Variants in ANKRD12 observed in about 807,000 individuals in gnomAD.
The protein encoded by ANKRD12 is ankyrin repeat domain-containing protein 12.
In ANKRD12, 85 loss-of-function variants were observed where a neutral mutation model predicts 183.4. The observed-to-expected ratio is 0.46, with a 90% confidence interval of 0.39 to 0.56. The LOEUF is 0.56. ANKRD12 is among the 20% of genes least tolerant of loss of function. The pLI, the probability that ANKRD12 is intolerant of heterozygous loss-of-function variation, is 0.00. For missense variants in ANKRD12, 2,405 were observed against 2,357.1 expected, an observed-to-expected ratio of 1.02 and a Z score of -0.42; for synonymous variants, 914 against 800.2, an observed-to-expected ratio of 1.14 and a Z score of -2.40.
rs955102106 is a variant in ANKRD12, at chr18:9,210,973, G to T, written c.452-611G>T. 2.0e-5 allele frequency among the ~76,000 whole-genome samples: 3 copies of T among 151,830 alleles called. No individual in the cohort carries two copies. In the East Asian group the frequency reaches 5.8e-4, roughly 29 times the overall value. ...TTGTTTTTTTGTAGTTTTGAAATTG[G>T]AGAGGAGACTTTGGGCATCATCTAA... On this transcript the variant is annotated intron_variant, in intron 5 of 12. Coordinates refer to ENST00000262126, the MANE Select transcript of ANKRD12 (RefSeq NM_015208.5).
At chr18:9,191,407 A>C (rs1333015049) in intron 2 of ANKRD12, among the ~76,000 whole-genome samples, 2 of 152,226 alleles carry the variant, frequency 1.3e-5, no homozygotes, top group Non-Finnish European at 2.9e-5. Flanking sequence ...ATAGTTACAC[A>C]TCACCGTATT....
rs1001308688 is a variant in ANKRD12 at position 9,136,857 on chromosome 18, C to G, written c.-160C>G. On this transcript the variant is annotated 5_prime_UTR_variant, in exon 1 of 13. Coordinates refer to ENST00000262126, the MANE Select transcript of ANKRD12 (RefSeq NM_015208.5). ...AGACCGGAGATGTTTTCAAGCCCGG[C>G]TCCGGCGGCTTTACAGGCGGCTGCA... 2 of 152,374 alleles carry G rather than the reference C, an allele frequency of 1.3e-5. No individual in the cohort carries two copies. Among genetic ancestry groups the G allele is most frequent in the Non-Finnish European group, 2.9e-5 (2 of 68,166 alleles). The allele number at this position is 152,374 out of a possible 1,614,324, so 9.4% of individuals were successfully genotyped here. A position where few individuals can be genotyped will look rare whatever the true frequency, so the allele number is the denominator to read the frequency against.
chr18:9,257,790 A>G lies in ANKRD12; in HGVS notation c.4523A>G (p.His1508Arg), dbSNP rs1417792930. 13 of 1,613,988 alleles carry G rather than the reference A, an allele frequency of 8.1e-6. No individual in the cohort carries two copies. The highest frequency in any genetic ancestry group is 1.1e-5 in the Non-Finnish European group (13 of 1,179,982). ...TCAGATGCTGAATCGATTTCTAAAC[A>G]TATGTCTTTGTCATATGTTGCTAAT... ...SLSDAESISK[H>R]MSLSYVANQE... is the part of the protein sequence containing the mutation. The change falls in exon 9 of 13, where the codon CAT (histidine) becomes CGT (arginine). Residue 1508 changes from histidine (H) to arginine (R), a missense_variant. By Grantham distance (29) the His-to-Arg change is conservative (BLOSUM62 0). Coordinates refer to ENST00000262126, the MANE Select transcript of ANKRD12 (RefSeq NM_015208.5).
chr18:9,141,843 T>G (rs2049569714), intron 1 of ANKRD12, among the ~76,000 whole-genome samples: 1 of 152,238 alleles, frequency 6.6e-6, no homozygotes, highest in African/African-American at 2.4e-5. Flanking sequence ...CTGTTAACTA[T>G]CTTATTTTGA....
intron 8 of ANKRD12, among the ~76,000 whole-genome samples, chr18:9,237,852 T>G (rs573771802): frequency 6.6e-6 from 1 of 152,188 alleles, no homozygotes; most frequent in Admixed American, 6.5e-5. Flanking sequence ...TCGGACACAA[T>G]CATTGATAAT....
At chr18:9,227,806 T>G (rs2036810378) in intron 8 of ANKRD12, among the ~76,000 whole-genome samples, 1 of 152,220 alleles carries the variant, frequency 6.6e-6, no homozygotes, top group Non-Finnish European at 1.5e-5. Context: ...TATATGTTGG[T>G]ATCATTTCAA....
At position 9,216,862 on chromosome 18, in the gene ANKRD12, ACTC is replaced by A. The variant is rs2036135735; in HGVS notation, c.759_761del (p.Pro254del). The stretch of plus-strand genomic sequence containing the variant: ...TAACACACAAGGATTAGATGATGAC[ACTC>A]CACTCCATGATTCTGCTAGTAGTGG... On this transcript the variant is annotated inframe_deletion, in exon 7 of 13. Coordinates refer to ENST00000262126, the MANE Select transcript of ANKRD12 (RefSeq NM_015208.5). 6.2e-7 allele frequency: 1 copy of A among 1,613,340 alleles called. No homozygotes were observed. Among genetic ancestry groups the A allele is most frequent in the Non-Finnish European group, 8.5e-7 (1 of 1,179,644 alleles).
intron 1 of ANKRD12, among the ~76,000 whole-genome samples, chr18:9,172,466 A>G (rs897728343): frequency 6.6e-6 from 1 of 152,146 alleles, no homozygotes; most frequent in African/African-American, 2.4e-5. Context: ...TATTTCAGAA[A>G]GACAGTTTTC....
chr18:9,257,137 T>C lies in ANKRD12; in HGVS notation c.3870T>C (p.Ser1290=), dbSNP rs775521493. Residue 1290 remains serine, a synonymous_variant, in exon 9 of 13, where the codon TCT becomes TCC. Transcript: ENST00000262126. ...CAACATCCCATCTTAGGTCATCTTC[T>C]GTAGAAGATGTTAAACTAATTATAA... ...RLSTSHLRSS[S]VEDVKLIISE... The C allele has an allele frequency of 1.4e-5, 22 of 1,614,186 alleles. 1 individual carries two copies. In the South Asian group the frequency reaches 2.3e-4, roughly 17 times the overall value.
At chr18:9,186,814 C>T (rs569962302) in intron 2 of ANKRD12, among the ~76,000 whole-genome samples, 46 of 147,268 alleles carry the variant, frequency 3.1e-4, no homozygotes, top group African/African-American at 8.9e-4. Flanking sequence ...TGGAGTGGCG[C>T]GATCTCAGCT....
intron 10 of ANKRD12, among the ~76,000 whole-genome samples, chr18:9,271,186 C>G (rs1433725777): frequency 3.3e-5 from 5 of 152,098 alleles, no homozygotes; most frequent in African/African-American, 4.8e-5. Context: ...ATCCTTTTGC[C>G]TCAGCCTCCC....
In ANKRD12 at chr18:9,164,377, AT is replaced by A. The variant is rs550086527; in HGVS notation, c.-51-17998del. Among the ~76,000 whole-genome samples, 6 of 151,886 alleles carry A rather than the reference AT, an allele frequency of 4.0e-5. No homozygotes were observed. In the South Asian group the frequency reaches 1.2e-3, roughly 32 times the overall value. On this transcript the variant is annotated intron_variant, in intron 1 of 12. Transcript: ENST00000262126. ...GCATGCCAGGGGTGAAACCAACTTGATTTTTTTGTGTGTCTGTCTCCTTCAG... is the reference window on the plus strand; with the variant it reads ...GCATGCCAGGGGTGAAACCAACTTGATTTTTTGTGTGTCTGTCTCCTTCAG...
rs1183246232 is a variant in ANKRD12 at position 9,282,355 on chromosome 18, A to G, written c.*1229A>G. The G allele has an allele frequency of 6.6e-6, 1 of 152,602 alleles. No individual in the cohort carries two copies. The highest frequency in any genetic ancestry group is 1.9e-4 in the East Asian group (1 of 5,206). 9.5% of individuals were successfully genotyped at this position (152,602 alleles called of 1,614,324 possible). A position where few individuals can be genotyped will look rare whatever the true frequency, so the allele number is the denominator to read the frequency against. ...AATCTCTGAAATGTTTATGAAAAAC[A>G]GGTTAATATGTTGTATTTTTTTCCT... On this transcript the variant is annotated 3_prime_UTR_variant, in exon 13 of 13. Transcript: ENST00000262126.
chr18:9,167,760 T>C (rs1172677128), intron 1 of ANKRD12, among the ~76,000 whole-genome samples: 1 of 152,218 alleles, frequency 6.6e-6, no homozygotes, highest in Non-Finnish European at 1.5e-5. Context: ...CTGTGTTGAA[T>C]AGGAGTGGTG....
chr18:9,158,908 G>T (rs2030995885), intron 1 of ANKRD12, among the ~76,000 whole-genome samples: 1 of 152,164 alleles, frequency 6.6e-6, no homozygotes, highest in Non-Finnish European at 1.5e-5. Context: ...TGTAGATGTT[G>T]ATACCTTGGG....
rs1298563168 is a variant in ANKRD12, at chr18:9,256,856, C to A, written c.3589C>A (p.Pro1197Thr). 3 of 1,613,832 alleles carry A rather than the reference C, an allele frequency of 1.9e-6. No homozygotes were observed. The highest frequency in any genetic ancestry group is 2.5e-6 in the Non-Finnish European group (3 of 1,179,956). Residue 1197 changes from proline to threonine, a missense_variant, in exon 9 of 13, where the codon CCG (proline) becomes ACG (threonine). Around this residue, in one of 7 missense-constraint regions of ANKRD12, gnomAD observed 1,983 missense variants for 1,725.9 expected, o/e 1.15. Coordinates refer to ENST00000262126, the MANE Select transcript of ANKRD12 (RefSeq NM_015208.5). ...GTCTCCTAGATCAGAAAATGAAAAG[C>A]CGGGTCTCAGCTCCAGATCTGTATC... The part of the protein sequence containing the change: ...NRSPRSENEK[P>T]GLSSRSVSMI...
At chr18:9,157,319 C>G (rs891628905) in intron 1 of ANKRD12, among the ~76,000 whole-genome samples, 2 of 151,782 alleles carry the variant, frequency 1.3e-5, no homozygotes, top group Non-Finnish European at 2.9e-5. Flanking sequence ...GTTGTTTACC[C>G]CTGTCATCGT....
intron 9 of ANKRD12, among the ~76,000 whole-genome samples, chr18:9,263,432 TTAC>T (rs1400735886): frequency 6.6e-6 from 1 of 152,230 alleles, no homozygotes; most frequent in Admixed American, 6.5e-5. Context: ...GCTTTAATCT[TTAC>T]TAGTGTTTCC....
At chr18:9,233,119 T>C (rs1257426119) in intron 8 of ANKRD12, among the ~76,000 whole-genome samples, 1 of 152,094 alleles carries the variant, frequency 6.6e-6, no homozygotes, top group Non-Finnish European at 1.5e-5. Context: ...CCCAAAGTGC[T>C]GTGATTACAG....
Sources: gnomAD v4.1 joint callset for allele counts (sites outside exome capture counted in the v4.1 genomes callset) on GRCh38, gnomAD v4.1.1 for gene constraint, gnomAD v4.1.1 regional missense constraint, MANE v1.5 for transcripts, NCBI Gene and HGNC (gene_info 2026-07-23, HGNC 2026-07-21) for gene names.